The following GGA3 variants were observed in gnomAD, a reference collection of about 807,000 sequenced individuals.
GGA3 encodes the protein golgi associated, gamma adaptin ear containing, ARF binding protein 3, also known as ADP-ribosylation factor-binding protein GGA3.
A neutral mutation model predicts 77.5 loss-of-function variants in GGA3; 57 were observed. That is an observed-to-expected ratio of 0.74 (90% CI 0.59 to 0.92). GGA3 has a LOEUF of 0.92. GGA3 is among the 40% of genes least tolerant of loss of function. The pLI is 0.00. For missense variants in GGA3, 970 were observed against 914.9 expected, an observed-to-expected ratio of 1.06 and a Z score of -0.78; for synonymous variants, 416 against 383.7, an observed-to-expected ratio of 1.08 and a Z score of -0.98.
chr17:75,258,822 A>ATT, intron 1 of GGA3, among the ~76,000 whole-genome samples: 1 of 41,260 alleles, frequency 2.4e-5, no homozygotes, highest in East Asian at 2.0e-3. Flanking sequence ...ATCACCATCT[A>ATT]GTGTTTTTTT....
At chr17:75,252,192 C>T (rs1170282574) in intron 1 of GGA3, among the ~76,000 whole-genome samples, 3 of 152,000 alleles carry the variant, frequency 2.0e-5, no homozygotes, top group African/African-American at 7.2e-5. Context: ...ATCCTCCCAC[C>T]TCAACCTCCT....
chr17:75,243,266 G>C, intron 5 of GGA3, 100 bp from the exon 6 acceptor site: 1 of 1,133,036 alleles, frequency 8.8e-7, no homozygotes. Context: ...GACCTGCAAA[G>C]GGTAGCAGGG....
intron 11 of GGA3, 154 bp from the exon 12 acceptor site, chr17:75,240,566 G>T: frequency 1.5e-6 from 1 of 665,478 alleles, no homozygotes; most frequent in East Asian, 2.7e-5. Flanking sequence ...GGGGAATGGA[G>T]CGCTCCAGTC....
chr17:75,237,989 C>G lies in GGA3; in HGVS notation c.*290G>C. 1 of 1,220,856 alleles carries G rather than the reference C, an allele frequency of 8.2e-7. No homozygotes were observed. Among genetic ancestry groups the G allele is most frequent in the Non-Finnish European group, 1.0e-6 (1 of 978,054 alleles). The allele number at this position is 1,220,856 out of a possible 1,614,324, so 75.6% of individuals were successfully genotyped here. A position where few individuals can be genotyped will look rare whatever the true frequency, so the allele number is the denominator to read the frequency against. On this transcript the variant is annotated 3_prime_UTR_variant, in exon 17 of 17. Transcript: ENST00000537686. ...AAGGAAGCAAACACCTACGCCAAGC[C>G]TGGGGGTCCATGTTCCCGGGACAGC... is the stretch of plus-strand genomic sequence containing the variant.
chr17:75,240,209 G>A, intron 12 of GGA3, 101 bp from the exon 13 acceptor site: 9 of 1,189,414 alleles, frequency 7.6e-6, no homozygotes, highest in Non-Finnish European at 1.1e-5. Context: ...GACAGCCCCG[G>A]AGGCACTCAT....
chr17:75,242,953 C>A (rs767210502), intron 6 of GGA3, 42 bp from the exon 7 acceptor site: 12 of 1,550,274 alleles, frequency 7.7e-6, no homozygotes, highest in Non-Finnish European at 1.1e-5. Flanking sequence ...AGAGGCAGCA[C>A]CCGTACCCCA....
chr17:75,258,182 C>T (rs2077221759), intron 1 of GGA3, among the ~76,000 whole-genome samples: 1 of 152,224 alleles, frequency 6.6e-6, no homozygotes, highest in African/African-American at 2.4e-5. Context: ...CCTTTGCTGA[C>T]TCTCTTTTCG....
chr17:75,255,390 A>G (rs1370064760), intron 1 of GGA3, among the ~76,000 whole-genome samples: 1 of 152,252 alleles, frequency 6.6e-6, no homozygotes, highest in African/African-American at 2.4e-5. Flanking sequence ...GGTTACAGCT[A>G]CATCTCATTG....
At chr17:75,244,770 C>T (rs921814401) in intron 3 of GGA3, 53 bp from the exon 4 acceptor site, 2 of 1,180,592 alleles carry the variant, frequency 1.7e-6, no homozygotes, top group African/African-American at 1.5e-5. Context: ...GGGGCTGGAA[C>T]CTGGCACTGG....
Position 75,244,653 on chromosome 17 carries a change from A to C in GGA3, c.266T>G (p.Phe89Cys). ...GACGACTTTGATTAACTCATTCAAA[A>C]AGCGGAACTTCCCCACTTCGTTATG... ...RFHNEVGKFR[F>C]LNELIKVVSP... Residue 89 changes from phenylalanine (F) to cysteine (C), a missense_variant, in exon 4 of 17, where the codon TTT becomes TGT. Phe to Cys is a radical substitution (Grantham distance 205, BLOSUM62 -2). Transcript: ENST00000537686. The C allele has an allele frequency of 6.2e-7, 1 of 1,613,762 alleles. No homozygotes were observed. Among genetic ancestry groups the C allele is most frequent in the Non-Finnish European group, 8.5e-7 (1 of 1,179,644 alleles).
Position 75,240,927 on chromosome 17 carries a change from T to C in GGA3, c.1077A>G (p.Pro359=). 2 of 1,611,736 alleles carry C rather than the reference T, an allele frequency of 1.2e-6. No individual in the cohort carries two copies. Among genetic ancestry groups the C allele is most frequent in the East Asian group, 2.2e-5 (1 of 44,746 alleles). Residue 359 remains proline, a synonymous_variant, in exon 11 of 17, where the codon CCA becomes CCG. Transcript: ENST00000537686. ...PSSGIPILPP[P]PQASGPPRSR... ...TCCGTGGAGGTCCTGAGGCCTGGGG[T>C]GGTGGAGGGAGGATTGGGATGCCTG... is the stretch of plus-strand genomic sequence containing the variant.
In GGA3 at chr17:75,238,374, G is replaced by A. The variant is rs747311168; in HGVS notation, c.2077C>T (p.Arg693Trp). The change falls in exon 17 of 17, where the codon CGG becomes TGG. Residue 693 changes from arginine to tryptophan, a missense_variant. By Grantham distance (101) the Arg-to-Trp change is moderately radical (BLOSUM62 -3). Coordinates refer to ENST00000537686, the MANE Select transcript of GGA3 (RefSeq NM_138619.4). ...ANPLKEKVRL[R>W]YKLTFALGEQ... ...CCCAGGGCGAAGGTCAGCTTATACC[G>A]AAGCCGCACCTTCTCCTGTGACAGA... is the stretch of plus-strand genomic sequence containing the variant. 8 of 1,613,450 alleles carry A rather than the reference G, an allele frequency of 5.0e-6. No individual in the cohort carries two copies. Among genetic ancestry groups the A allele is most frequent in the Non-Finnish European group, 5.1e-6 (6 of 1,179,754 alleles).
In GGA3 at chr17:75,246,378, T is replaced by C. The variant is rs2076757651; in HGVS notation, c.201+131A>G. On this transcript the variant is annotated intron_variant, in intron 3 of 16. Coordinates refer to ENST00000537686, the MANE Select transcript of GGA3 (RefSeq NM_138619.4). ...AACAGCTGGCTGAACAGATTCGAGATCTATCTAGTCTGTATCAAGGACTTT... is the reference window on the plus strand; with the variant it reads ...AACAGCTGGCTGAACAGATTCGAGACCTATCTAGTCTGTATCAAGGACTTT... 3.8e-5 allele frequency: 25 copies of C among 649,532 alleles called. 1 individual carries two copies. In the South Asian group the frequency reaches 4.5e-4, roughly 12 times the overall value. The allele number at this position is 649,532 out of a possible 1,614,324, so 40.2% of individuals were successfully genotyped here.
In GGA3 at chr17:75,259,445, C is replaced by G. The variant is rs573983635; in HGVS notation, c.40+2103G>C. Reference sequence around the variant, plus strand: ...GTTTTCAAGCATTTAGTTGAGGAAACGGGAGCAGGGCTTCCAGGTAAGGAG... The same window carrying G: ...GTTTTCAAGCATTTAGTTGAGGAAAGGGGAGCAGGGCTTCCAGGTAAGGAG... On this transcript the variant is annotated intron_variant, in intron 1 of 16. Transcript: ENST00000537686. Among the ~76,000 whole-genome samples, 3 of 152,072 alleles carry G rather than the reference C, an allele frequency of 2.0e-5. No homozygotes were observed. The South Asian group carries it at 6.3e-4, about 32-fold the overall frequency.
At chr17:75,244,513 C>T in intron 4 of GGA3, 106 bp downstream of exon 4, 4 of 778,150 alleles carry the variant, frequency 5.1e-6, no homozygotes, top group Non-Finnish European at 9.1e-6. Flanking sequence ...CACAAATAAT[C>T]TCAGCTCCCT....
At chr17:75,238,608 A>AGCTGGGGCCTCAG in intron 16 of GGA3, 44 bp downstream of exon 16, 1 of 1,368,546 alleles carries the variant, frequency 7.3e-7, no homozygotes. Flanking sequence ...AATCTGGGGC[A>AGCTGGGGCCTCAG]GCTGGGGCCT....
At chr17:75,239,222 G>T in intron 14 of GGA3, 139 bp from the exon 15 acceptor site, 1 of 976,870 alleles carries the variant, frequency 1.0e-6, no homozygotes, top group Non-Finnish European at 1.5e-6. Context: ...GGCGCTCAGT[G>T]AGGAGCTTAA....
chr17:75,248,830 A>AG, intron 1 of GGA3: 10 of 978,298 alleles, frequency 1.0e-5, no homozygotes, highest in Non-Finnish European at 1.2e-5. Context: ...ACAAAAAAAA[A>AG]AAAACTCACC....
intron 1 of GGA3, among the ~76,000 whole-genome samples, chr17:75,260,793 T>G (rs1273155483): frequency 6.6e-6 from 1 of 152,184 alleles, no homozygotes; most frequent in Non-Finnish European, 1.5e-5. Flanking sequence ...TTCGTAGCAC[T>G]GTAATTCACA....
Sources: gnomAD v4.1 joint callset for allele counts (sites outside exome capture counted in the v4.1 genomes callset) on GRCh38, gnomAD v4.1.1 for gene constraint, MANE v1.5 for transcripts, NCBI Gene and HGNC (gene_info 2026-07-23, HGNC 2026-07-21) for gene names.